Variants in TGM5 observed in about 807,000 individuals in gnomAD.
TGM5 encodes protein-glutamine gamma-glutamyltransferase 5.
A neutral mutation model predicts 77.2 loss-of-function variants in TGM5; 69 were observed. The observed-to-expected ratio is 0.89, with a 90% CI of 0.74 to 1.09. The LOEUF is 1.09. Ranked by LOEUF, TGM5 falls within the 50% of genes least tolerant of loss-of-function variation. TGM5 has a pLI of 0.00. For synonymous variants in TGM5, 346 were observed against 351.8 expected (o/e 0.98, Z 0.18); for missense variants, 842 against 896.5 (o/e 0.94, Z 0.78).
At chr15:43,257,488 A>G (rs1164901475) in intron 3 of TGM5, among the ~76,000 whole-genome samples, 2 of 152,218 alleles carry the variant, frequency 1.3e-5, no homozygotes, top group African/African-American at 2.4e-5. Context: ...AGGTTGGTGC[A>G]AAAGTAATTG....
intron 6 of TGM5, chr15:43,247,715 C>A (rs1266344361): frequency 6.6e-6 from 1 of 151,614 alleles, no homozygotes; most frequent in African/African-American, 2.4e-5. Context: ...ACAACTAATT[C>A]ATCACAACAA....
chr15:43,247,145 C>T (rs2042674425), intron 6 of TGM5, among the ~76,000 whole-genome samples: 3 of 133,670 alleles, frequency 2.2e-5, no homozygotes, highest in South Asian at 2.3e-4. Flanking sequence ...GCGACAAGAG[C>T]GAGACTCTGT....
chr15:43,261,090 T>TTCTTTTTG, intron 1 of TGM5, among the ~76,000 whole-genome samples: 1 of 97,118 alleles, frequency 1.0e-5, no homozygotes, highest in Admixed American at 1.1e-4. Context: ...TTTTTTTTTT[T>TTCTTTTTG]TTTTTTTTTT....
intron 7 of TGM5, 38 bp downstream of exon 7, chr15:43,240,814 G>A (rs752600934): frequency 1.2e-5 from 20 of 1,613,384 alleles, no homozygotes; most frequent in Non-Finnish European, 1.7e-5. Context: ...TGGCTCTGAT[G>A]TGTGGCCCTA....
At chr15:43,258,221 C>T (rs1341498942) in intron 3 of TGM5, among the ~76,000 whole-genome samples, 2 of 148,310 alleles carry the variant, frequency 1.3e-5, no homozygotes, top group South Asian at 2.1e-4. Flanking sequence ...TAGAACTTAA[C>T]GTATAATAAT....
intron 8 of TGM5, 38 bp downstream of exon 8, chr15:43,239,125 A>G (rs1328680255): frequency 1.2e-6 from 2 of 1,614,000 alleles, no homozygotes; most frequent in Admixed American, 1.7e-5. Context: ...GGTGCTTTCC[A>G]CGGGAGCGGG....
chr15:43,254,934 T>C (rs548271878), intron 4 of TGM5, among the ~76,000 whole-genome samples: 1 of 152,310 alleles, frequency 6.6e-6, no homozygotes, highest in Non-Finnish European at 1.5e-5. Flanking sequence ...TGAGTCCGCA[T>C]TACACTGTAA....
chr15:43,233,504 TA>T, intron 12 of TGM5, 49 bp downstream of exon 12: 1 of 1,613,860 alleles, frequency 6.2e-7, no homozygotes, highest in Non-Finnish European at 8.5e-7. Flanking sequence ...AGGATAGTGC[TA>T]ATCTCAGGGG....
chr15:43,253,498 G>T lies in TGM5; in HGVS notation c.684+8C>A, dbSNP rs879034871. On this transcript the variant is annotated splice_region_variant and intron_variant, in intron 5 of 12. Coordinates refer to ENST00000220420, the MANE Select transcript of TGM5 (RefSeq NM_201631.4). ...TTCCTCCCTCCCCGGGCACGCCAGG[G>T]ACCTCACCATGGCACACACCACTCT... 1 of 1,610,890 alleles carries T rather than the reference G, an allele frequency of 6.2e-7. No individual in the cohort carries two copies.
intron 10 of TGM5, 86 bp from the exon 11 acceptor site, chr15:43,235,015 A>G: frequency 6.6e-7 from 1 of 1,519,650 alleles, no homozygotes; most frequent in Non-Finnish European, 9.0e-7. Flanking sequence ...TTCCACAGAG[A>G]AGAGAAAGTC....
At chr15:43,261,512 C>T (rs1045847468) in intron 1 of TGM5, among the ~76,000 whole-genome samples, 2 of 152,184 alleles carry the variant, frequency 1.3e-5, no homozygotes, top group Non-Finnish European at 2.9e-5. Flanking sequence ...CTTCTGGAGC[C>T]TCTGCTAAAA....
Position 43,239,288 on chromosome 15 carries a change from G to A in TGM5, c.1002-22C>T, listed in dbSNP as rs2142358722. On this transcript the variant is annotated intron_variant, in intron 7 of 12. Coordinates refer to ENST00000220420, the MANE Select transcript of TGM5 (RefSeq NM_201631.4). ...GTTCCTGTGTCAAACAGAGCCAAGGGAGACGTTGTACTGCTTGGTCTTTCT... is the reference window on the plus strand; with the variant it reads ...GTTCCTGTGTCAAACAGAGCCAAGGAAGACGTTGTACTGCTTGGTCTTTCT... 1.9e-6 allele frequency: 3 copies of A among 1,611,770 alleles called. No homozygotes were observed. In the East Asian group the frequency reaches 6.7e-5, roughly 36 times the overall value.
intron 6 of TGM5, among the ~76,000 whole-genome samples, chr15:43,251,714 G>A (rs2042704696): frequency 6.6e-6 from 1 of 152,152 alleles, no homozygotes; most frequent in Non-Finnish European, 1.5e-5. Flanking sequence ...CCTGGGTGAG[G>A]CAGAAGGCCT....
intron 6 of TGM5, among the ~76,000 whole-genome samples, chr15:43,245,902 G>C (rs879695336): frequency 2.8e-4 from 41 of 148,020 alleles, no homozygotes; most frequent in African/African-American, 7.8e-4. Context: ...TGTGTGTTGG[G>C]GGGGGGGGTC....
intron 1 of TGM5, among the ~76,000 whole-genome samples, chr15:43,265,773 C>T (rs960357366): frequency 6.6e-6 from 1 of 152,126 alleles, no homozygotes; most frequent in Non-Finnish European, 1.5e-5. Flanking sequence ...GCTTGTGTAA[C>T]CGGAAAATTG....
chr15:43,260,184 C>A lies in TGM5; in HGVS notation c.304G>T (p.Val102Leu). Residue 102 changes from valine to leucine, a missense_variant, in exon 3 of 13, where the codon GTG becomes TTG. Val to Leu is a conservative substitution (Grantham distance 32). Transcript: ENST00000220420. ...GCCGTGGGAGGAGCGCACAAGCTCACCTCTGTGGAGGTGGCCCCATTGGTC... is the reference window on the plus strand; with the variant it reads ...GCCGTGGGAGGAGCGCACAAGCTCAACTCTGTGGAGGTGGCCCCATTGGTC... ...LETNGATSTEVSLCAPPTAAV... is the reference protein window; with the variant it reads ...LETNGATSTELSLCAPPTAAV... 6.2e-7 allele frequency: 1 copy of A among 1,614,100 alleles called. No individual in the cohort carries two copies. Among genetic ancestry groups the A allele is most frequent in the South Asian group, 1.1e-5 (1 of 91,084 alleles).
intron 9 of TGM5, 110 bp from the exon 10 acceptor site, chr15:43,235,947 C>G (rs979673694): frequency 3.4e-6 from 5 of 1,467,328 alleles, no homozygotes; most frequent in Non-Finnish European, 4.7e-6. Flanking sequence ...CAGGCCTTCA[C>G]TCCCAGTAAC....
chr15:43,233,937 G>A (rs1018595150), intron 11 of TGM5, among the ~76,000 whole-genome samples: 24 of 152,166 alleles, frequency 1.6e-4, no homozygotes, highest in African/African-American at 5.5e-4. Context: ...CTACCAGGAA[G>A]GACAAAGGCT....
intron 6 of TGM5, among the ~76,000 whole-genome samples, chr15:43,245,567 G>T (rs1050997398): frequency 2.0e-5 from 3 of 152,098 alleles, no homozygotes; most frequent in Non-Finnish European, 4.4e-5. Context: ...TGTTTTCCAT[G>T]ATAATCTCCG....
Sources: gnomAD v4.1 joint callset for allele counts (sites outside exome capture counted in the v4.1 genomes callset) on GRCh38, gnomAD v4.1.1 for gene constraint, MANE v1.5 for transcripts, NCBI Gene and HGNC (gene_info 2026-07-23, HGNC 2026-07-21) for gene names.